The following ZNF841 variants were observed in gnomAD, a reference collection of about 807,000 sequenced individuals.
ZNF841 encodes zinc finger protein 841.
A neutral mutation model predicts 13.0 loss-of-function variants in ZNF841; 11 were observed. That is an observed-to-expected ratio of 0.85 (90% CI 0.53 to 1.40). The LOEUF is 1.40. Ranked by LOEUF, ZNF841 falls within the 40% of genes most tolerant of loss-of-function variation. The pLI, the probability that ZNF841 is intolerant of heterozygous loss-of-function variation, is 0.00. For synonymous variants in ZNF841, 369 were observed against 381.6 expected, an observed-to-expected ratio of 0.97 and a Z score of 0.38; for missense variants, 1,068 against 1,139.5, an observed-to-expected ratio of 0.94 and a Z score of 0.90.
chr19:52,086,638 G>A (rs990604118), intron 3 of ZNF841, among the ~76,000 whole-genome samples: 1 of 152,226 alleles, frequency 6.6e-6, no homozygotes, highest in African/African-American at 2.4e-5. Flanking sequence ...GACAGTGGGT[G>A]TGGACAGAAA....
intron 6 of ZNF841, among the ~76,000 whole-genome samples, chr19:52,068,169 A>G (rs1167430122): frequency 6.6e-6 from 1 of 152,192 alleles, no homozygotes; most frequent in Non-Finnish European, 1.5e-5. Flanking sequence ...CTCCATCAAT[A>G]ATAAGCAAGA....
downstream of ZNF841, among the ~76,000 whole-genome samples, chr19:52,061,077 T>A (rs1358392568): frequency 6.6e-6 from 1 of 152,226 alleles, no homozygotes; most frequent in East Asian, 1.9e-4. Context: ...AGGTCAGAGA[T>A]GTCTGACAGA....
At position 52,077,092 on chromosome 19, in the gene ZNF841, G is replaced by A; in HGVS notation, c.16-8C>T. 6.2e-6 allele frequency: 10 copies of A among 1,603,266 alleles called. No individual in the cohort carries two copies. Among genetic ancestry groups the A allele is most frequent in the Non-Finnish European group, 8.5e-6 (10 of 1,175,602 alleles). ...CCTGAATGTCAAAGATCCCTGAAAT[G>A]AAAAACACATTTCAATATGAGCAGT... On this transcript the variant is annotated splice_polypyrimidine_tract_variant and splice_region_variant and intron_variant, in intron 4 of 6. Coordinates refer to ENST00000594440, the MANE Select transcript of ZNF841 (RefSeq NM_001136499.2).
chr19:52,075,500 G>A (rs2087870847), intron 6 of ZNF841, among the ~76,000 whole-genome samples: 1 of 152,306 alleles, frequency 6.6e-6, no homozygotes, highest in African/African-American at 2.4e-5. Context: ...TAAGAAAATG[G>A]CTGAGGGACC....
chr19:52,088,489 ATCTAT>A lies in ZNF841; in HGVS notation c.-78+443_-78+447del, dbSNP rs1329835654. On this transcript the variant is annotated intron_variant, in intron 3 of 6. Transcript: ENST00000594440. ...ACTTAGTACCATAAAACACACACAA[ATCTAT>A]TCTAAGTTAAAATGTACCAAATTTA... is the stretch of plus-strand genomic sequence containing the variant. Among the ~76,000 whole-genome samples, 10 of 152,262 alleles carry A rather than the reference ATCTAT, an allele frequency of 6.6e-5. No individual in the cohort carries two copies. The East Asian group carries it at 1.4e-3, about 21-fold the overall frequency.
intron 2 of ZNF841, among the ~76,000 whole-genome samples, chr19:52,091,913 G>A (rs111705749): frequency 0.21 from 32,055 of 152,068 alleles, 4,722 homozygotes; most frequent in African/African-American, 0.41. Context: ...ACTTTGGGAC[G>A]CCAAGACAGG....
rs2087498265 is a variant in ZNF841, at chr19:52,065,127, T to A, written c.2755A>T (p.Thr919Ser). Residue 919 changes from threonine to serine, a missense_variant, in exon 7 of 7, where the codon ACC becomes TCC. Physicochemically the swap from Thr to Ser is moderately conservative, Grantham distance 58 (BLOSUM62 1). Coordinates refer to ENST00000594440, the MANE Select transcript of ZNF841 (RefSeq NM_001136499.2). ...ATAAATTATTTGGGGATCCCAGAGG[T>A]TAGGACAACATCTAACGGCCTTTCC... ...NVERPLDVVL[T>S]SGIPK is the part of the protein sequence containing the mutation. The A allele has an allele frequency of 1.3e-6, 2 of 1,539,786 alleles. No homozygotes were observed. Among genetic ancestry groups the A allele is most frequent in the Non-Finnish European group, 1.7e-6 (2 of 1,146,060 alleles).
chr19:52,066,939 TC>T lies in ZNF841; in HGVS notation c.942del (p.Lys315AsnfsTer19), dbSNP rs776468117. 6.2e-7 allele frequency: 1 copy of T among 1,614,082 alleles called. No homozygotes were observed. Among genetic ancestry groups the T allele is most frequent in the Non-Finnish European group, 8.5e-7 (1 of 1,180,042 alleles). ...CCACATACATCACATTGGTATGGTT[TC>T]CCTCTTGTATGGACTATCTGATGTA... ...LTVHQIVHTRGKPYQCDVCGR... is the reference protein window; with the variant it reads ...LTVHQIVHTRXKPYQCDVCGR... On this transcript the variant is annotated frameshift_variant, in exon 7 of 7. Transcript: ENST00000594440. LOFTEE classifies it low-confidence loss of function (END_TRUNC).
chr19:52,073,213 G>A (rs541120692), intron 6 of ZNF841, among the ~76,000 whole-genome samples: 2 of 151,940 alleles, frequency 1.3e-5, no homozygotes, highest in South Asian at 4.2e-4. Context: ...GATGAATAAC[G>A]ACTTACATTA....
intron 4 of ZNF841, among the ~76,000 whole-genome samples, chr19:52,078,527 G>C (rs1051842691): frequency 1.5e-4 from 23 of 151,970 alleles, no homozygotes; most frequent in African/African-American, 5.5e-4. Flanking sequence ...GTGAAACCCT[G>C]TCTCTACTAA....
At chr19:52,090,312 G>A (rs2088427749) in intron 2 of ZNF841, among the ~76,000 whole-genome samples, 1 of 152,068 alleles carries the variant, frequency 6.6e-6, no homozygotes, top group Non-Finnish European at 1.5e-5. Context: ...TGTAATCCCA[G>A]TGCTTTGGGA....
At position 52,077,098 on chromosome 19, in the gene ZNF841, C is replaced by T. The variant is rs774128178; in HGVS notation, c.16-14G>A. On this transcript the variant is annotated splice_polypyrimidine_tract_variant and intron_variant, in intron 4 of 6. Coordinates refer to ENST00000594440, the MANE Select transcript of ZNF841 (RefSeq NM_001136499.2). ...TGTCAAAGATCCCTGAAATGAAAAA[C>T]ACATTTCAATATGAGCAGTGGGTGA... 6.2e-7 allele frequency: 1 copy of T among 1,602,800 alleles called. No individual in the cohort carries two copies. The highest frequency in any genetic ancestry group is 1.3e-5 in the African/African-American group (1 of 74,536).
At chr19:52,060,302 C>G (rs1001009535), downstream of ZNF841, among the ~76,000 whole-genome samples, 3 of 152,164 alleles carry the variant, frequency 2.0e-5, no homozygotes, top group Non-Finnish European at 4.4e-5. Context: ...CTCCTTTCCC[C>G]TTTTACATAC....
At chr19:52,081,425 A>G (rs748942314) in intron 4 of ZNF841, among the ~76,000 whole-genome samples, 13 of 152,264 alleles carry the variant, frequency 8.5e-5, no homozygotes, top group Non-Finnish European at 1.8e-4. Flanking sequence ...AGAATTTGAA[A>G]TAGCAGCCAC....
chr19:52,075,908 T>C (rs1270046870), intron 6 of ZNF841, 136 bp downstream of exon 6: 2 of 1,252,386 alleles, frequency 1.6e-6, no homozygotes, highest in Non-Finnish European at 2.2e-6. Flanking sequence ...GAAAGCAAAG[T>C]GATAAGCAGG....
downstream of ZNF841, among the ~76,000 whole-genome samples, chr19:52,064,162 G>A (rs574941327): frequency 6.6e-6 from 1 of 151,724 alleles, no homozygotes; most frequent in East Asian, 1.9e-4. Context: ...GGCTAACAAG[G>A]TGAAACCCCG....
In ZNF841 at chr19:52,065,491, C is replaced by G. The variant is rs775519121; in HGVS notation, c.2391G>C (p.Glu797Asp). ...AACGTACTCTAAAGGCTTTGCCACA[C>G]TCATTACATTTGTAAGGTTTCTCTC... is the stretch of plus-strand genomic sequence containing the variant. Reference protein sequence around the residue: ...HTGEKPYKCNECGKAFRVRSI... With the variant: ...HTGEKPYKCNDCGKAFRVRSI... The change falls in exon 7 of 7, where the codon GAG becomes GAC. Residue 797 changes from glutamate to aspartate, a missense_variant. Physicochemically the swap from Glu to Asp is conservative, Grantham distance 45. Coordinates refer to ENST00000594440, the MANE Select transcript of ZNF841 (RefSeq NM_001136499.2). 8 of 1,613,506 alleles carry G rather than the reference C, an allele frequency of 5.0e-6. No individual in the cohort carries two copies. Among genetic ancestry groups the G allele is most frequent in the Non-Finnish European group, 6.8e-6 (8 of 1,179,920 alleles).
At chr19:52,072,175 C>A (rs2087756774) in intron 6 of ZNF841, among the ~76,000 whole-genome samples, 2 of 152,080 alleles carry the variant, frequency 1.3e-5, no homozygotes, top group African/African-American at 2.4e-5. Context: ...ATATAGAGAT[C>A]CTCAATATGT....
rs759463219 is a variant in ZNF841, at chr19:52,066,587, T to C, written c.1295A>G (p.Asp432Gly). ...CTGATAAAAGACCTTGCCACATACATCACATGTATATGGTTTCTTTCCTGC... is the reference window on the plus strand; with the variant it reads ...CTGATAAAAGACCTTGCCACATACACCACATGTATATGGTTTCTTTCCTGC... ...IHAGKKPYTCDVCGKVFYQNS... is the reference protein window; with the variant it reads ...IHAGKKPYTCGVCGKVFYQNS... The change falls in exon 7 of 7, where the codon GAT becomes GGT. Residue 432 changes from aspartate (D) to glycine (G), a missense_variant. Transcript: ENST00000594440. The C allele has an allele frequency of 2.5e-6, 4 of 1,613,788 alleles. No homozygotes were observed. The highest frequency in any genetic ancestry group is 3.4e-6 in the Non-Finnish European group (4 of 1,179,828).
Sources: gnomAD v4.1 joint callset for allele counts (sites outside exome capture counted in the v4.1 genomes callset) on GRCh38, gnomAD v4.1.1 for gene constraint, MANE v1.5 for transcripts, NCBI Gene and HGNC (gene_info 2026-07-23, HGNC 2026-07-21) for gene names.